The following COL21A1 variants were observed in gnomAD, a reference collection of about 807,000 sequenced individuals.
COL21A1 encodes collagen type XXI alpha 1 chain.
Under a neutral mutation model 137.9 loss-of-function variants are expected in COL21A1, and 149 were observed. The ratio of observed to expected loss-of-function variants is 1.08; its 90% CI spans 0.95 to 1.24. The LOEUF (loss-of-function observed/expected upper bound fraction) is 1.24, where lower values mean the gene tolerates loss of function less well. Ranked by LOEUF, COL21A1 falls within the 50% of genes most tolerant of loss-of-function variation. The pLI is 0.00. For missense variants in COL21A1, 1,167 were observed against 1,158.4 expected (o/e 1.01, Z -0.11); for synonymous variants, 456 against 391.5 (o/e 1.16, Z -1.95).
At chr6:56,224,174 C>T (rs1190937643) in intron 1 of COL21A1, among the ~76,000 whole-genome samples, 1 of 152,120 alleles carries the variant, frequency 6.6e-6, no homozygotes, top group Non-Finnish European at 1.5e-5. Context: ...TATCACCCCA[C>T]GGGGCTTAGG....
At chr6:56,144,234 A>C (rs1774656009) in intron 10 of COL21A1, among the ~76,000 whole-genome samples, 2 of 152,224 alleles carry the variant, frequency 1.3e-5, no homozygotes, top group African/African-American at 4.8e-5. Context: ...ATTAAGGCAC[A>C]GAAGTTGAGT....
At chr6:56,279,524 T>A (rs1763745839) in intron 1 of COL21A1, among the ~76,000 whole-genome samples, 1 of 152,162 alleles carries the variant, frequency 6.6e-6, no homozygotes, top group Admixed American at 6.5e-5. Context: ...GCCTCTCCTT[T>A]CCAATGCAGC....
chr6:56,094,363 T>C (rs1483589607), intron 17 of COL21A1, among the ~76,000 whole-genome samples: 1 of 152,178 alleles, frequency 6.6e-6, no homozygotes, highest in African/African-American at 2.4e-5. Context: ...TTAATGTCCA[T>C]TCATCTAGCA....
chr6:56,080,870 A>G (rs999366578), intron 17 of COL21A1, among the ~76,000 whole-genome samples: 3 of 151,822 alleles, frequency 2.0e-5, no homozygotes, highest in Non-Finnish European at 4.4e-5. Context: ...TCATTAACTA[A>G]AAAGATTCCA....
At chr6:56,335,588 C>T (rs542170361) in intron 1 of COL21A1, among the ~76,000 whole-genome samples, 1 of 152,294 alleles carries the variant, frequency 6.6e-6, no homozygotes, top group South Asian at 2.1e-4. Context: ...TTCTTACAGC[C>T]CCACTATGTG....
intron 1 of COL21A1, among the ~76,000 whole-genome samples, chr6:56,270,833 C>T (rs1214185360): frequency 6.6e-6 from 1 of 152,174 alleles, no homozygotes; most frequent in Non-Finnish European, 1.5e-5. Flanking sequence ...GAAGAAGGTG[C>T]CTGCTTCCCC....
intron 1 of COL21A1, among the ~76,000 whole-genome samples, chr6:56,263,731 C>A (rs938557840): frequency 2.0e-5 from 3 of 152,114 alleles, no homozygotes; most frequent in African/African-American, 7.2e-5. Context: ...TTGTTGTTAC[C>A]CAAGACTCTA....
chr6:56,233,522 T>C (rs1582700828), intron 1 of COL21A1, among the ~76,000 whole-genome samples: 2 of 151,736 alleles, frequency 1.3e-5, no homozygotes, highest in South Asian at 2.1e-4. Flanking sequence ...AAGATGGAAA[T>C]AGCTAGATGG....
At chr6:56,285,957 T>C (rs1159520223) in intron 1 of COL21A1, among the ~76,000 whole-genome samples, 9 of 152,192 alleles carry the variant, frequency 5.9e-5, no homozygotes, top group Non-Finnish European at 1.5e-5. Flanking sequence ...TATTTACTTT[T>C]TTTTTGCCTT....
At chr6:56,316,144 G>A (rs965568335) in intron 1 of COL21A1, among the ~76,000 whole-genome samples, 2 of 152,090 alleles carry the variant, frequency 1.3e-5, no homozygotes, top group Non-Finnish European at 2.9e-5. Flanking sequence ...TTTGATATAT[G>A]TATACACTGT....
At chr6:56,089,801 A>G (rs536485214) in intron 17 of COL21A1, among the ~76,000 whole-genome samples, 2 of 152,328 alleles carry the variant, frequency 1.3e-5, no homozygotes, top group East Asian at 3.9e-4. Context: ...ATCATACATC[A>G]TCTCATATTT....
intron 1 of COL21A1, among the ~76,000 whole-genome samples, chr6:56,325,009 G>C (rs1221417773): frequency 1.3e-5 from 2 of 150,932 alleles, no homozygotes; most frequent in African/African-American, 2.4e-5. Flanking sequence ...GTTTCTCCTA[G>C]TTTATTACCA....
chr6:56,062,195 C>T (rs921864572), intron 24 of COL21A1, among the ~76,000 whole-genome samples: 1 of 152,210 alleles, frequency 6.6e-6, no homozygotes, highest in African/African-American at 2.4e-5. Context: ...CTGTCCTGTG[C>T]TTAAACCATT....
chr6:56,300,281 GA>G (rs1458710096), intron 1 of COL21A1, among the ~76,000 whole-genome samples: 1 of 152,074 alleles, frequency 6.6e-6, no homozygotes, highest in Non-Finnish European at 1.5e-5. Context: ...ATAAGGAGTG[GA>G]GAGTGGAATT....
intron 24 of COL21A1, among the ~76,000 whole-genome samples, chr6:56,063,870 G>T (rs367602313): frequency 2.0e-5 from 3 of 152,056 alleles, no homozygotes; most frequent in Non-Finnish European, 4.4e-5. Context: ...TATCCAGCTT[G>T]CCCTTTCAGA....
At chr6:56,310,343 C>T (rs1764579396) in intron 1 of COL21A1, among the ~76,000 whole-genome samples, 1 of 152,142 alleles carries the variant, frequency 6.6e-6, no homozygotes, top group Admixed American at 6.5e-5. Flanking sequence ...TTGGAACCTA[C>T]TAGGGAGTTT....
chr6:56,129,556 G>A (rs1233374369), intron 12 of COL21A1, among the ~76,000 whole-genome samples: 1 of 152,016 alleles, frequency 6.6e-6, no homozygotes, highest in Non-Finnish European at 1.5e-5. Context: ...GAATAACTAT[G>A]TTTCCAGTCT....
At chr6:56,339,334 T>C (rs551003405) in intron 1 of COL21A1, among the ~76,000 whole-genome samples, 319 of 150,976 alleles carry the variant, frequency 2.1e-3, no homozygotes, top group African/African-American at 7.3e-3. Context: ...CCAACATAAA[T>C]TTTATTACTG....
intron 1 of COL21A1, among the ~76,000 whole-genome samples, chr6:56,207,078 G>A (rs1238007751): frequency 1.3e-5 from 2 of 152,042 alleles, no homozygotes; most frequent in Non-Finnish European, 2.9e-5. Flanking sequence ...ATGCCCACAA[G>A]AGGAAGCAGA....
Sources: gnomAD v4.1 joint callset for allele counts (sites outside exome capture counted in the v4.1 genomes callset) on GRCh38, gnomAD v4.1.1 for gene constraint, MANE v1.5 for transcripts, NCBI Gene and HGNC (gene_info 2026-07-23, HGNC 2026-07-21) for gene names.